The following DAPK2 variants were observed in gnomAD, a reference collection of about 807,000 sequenced individuals.
DAPK2 encodes the protein death associated protein kinase 2.
In DAPK2, 35 loss-of-function variants were observed where a neutral mutation model predicts 44.1. That is an observed-to-expected ratio of 0.79 (90% CI 0.61 to 1.05). The LOEUF (loss-of-function observed/expected upper bound fraction) is 1.05, where lower values mean the gene tolerates loss of function less well. Among genes scored for constraint, DAPK2 ranks in the 50% least tolerant of loss-of-function variants. The pLI is 0.00. For missense variants in DAPK2, 453 were observed against 483.2 expected, an observed-to-expected ratio of 0.94 and a Z score of 0.59; for synonymous variants, 174 against 182.6, an observed-to-expected ratio of 0.95 and a Z score of 0.38.
intron 3 of DAPK2, among the ~76,000 whole-genome samples, chr15:63,967,300 G>A: frequency 6.6e-6 from 1 of 152,146 alleles, no homozygotes; most frequent in East Asian, 1.9e-4. Flanking sequence ...GTTCAATTTG[G>A]TGTTCTTGCA....
intron 7 of DAPK2, 67 bp from the exon 9 acceptor site, chr15:63,924,928 C>T: frequency 6.4e-7 from 1 of 1,561,106 alleles, no homozygotes; most frequent in Non-Finnish European, 8.8e-7. Flanking sequence ...CATCTCCGTT[C>T]TCACTCTTTT....
At position 63,916,011 on chromosome 15, in the gene DAPK2, A is replaced by G. The variant is rs926659568; in HGVS notation, c.859-3814T>C. On this transcript the variant is annotated intron_variant, in intron 8 of 10. Coordinates refer to ENST00000261891, the Ensembl canonical transcript of DAPK2. This position sits in a 1 kb window ranked among gnomAD's most constrained non-coding sequence, Gnocchi z 4.7. ...TCCTGACCCGCCCCTCCCTGCAAAC[A>G]GAAAGTGCCCGCCTTCTGGCCTTGT... 7.9e-5 allele frequency: 12 copies of G among 151,690 alleles called. No homozygotes were observed. Among genetic ancestry groups the G allele is most frequent in the African/African-American group, 2.7e-4 (11 of 40,842 alleles). The allele number at this position is 151,690 out of a possible 1,614,324, so 9.4% of individuals were successfully genotyped here. A position where few individuals can be genotyped will look rare whatever the true frequency, so the allele number is the denominator to read the frequency against.
At chr15:64,019,849 C>T (rs574135586) in intron 1 of DAPK2, among the ~76,000 whole-genome samples, 3 of 152,342 alleles carry the variant, frequency 2.0e-5, no homozygotes, top group East Asian at 1.9e-4. Flanking sequence ...AGTGACACAC[C>T]TATGCGTTGT....
intron 3 of DAPK2, among the ~76,000 whole-genome samples, chr15:63,964,318 C>A (rs1274471764): frequency 6.6e-6 from 1 of 152,168 alleles, no homozygotes; most frequent in Non-Finnish European, 1.5e-5. Context: ...TGCTGCCAGA[C>A]ATATTGGAGT....
At chr15:63,925,853 C>G in intron 7 of DAPK2, 88 bp downstream of exon 8, 1 of 1,548,060 alleles carries the variant, frequency 6.5e-7, no homozygotes, top group Non-Finnish European at 8.9e-7. Context: ...ACAGCTATGT[C>G]AAAGTGGGGA....
chr15:64,014,914 C>A (rs1438401150), intron 1 of DAPK2, among the ~76,000 whole-genome samples: 3 of 133,006 alleles, frequency 2.3e-5, no homozygotes, highest in Admixed American at 7.9e-5. Context: ...GGTGAAAGAG[C>A]GAGACTCCAT....
chr15:64,038,770 T>C (rs766412811), intron 1 of DAPK2, among the ~76,000 whole-genome samples: 5 of 151,762 alleles, frequency 3.3e-5, no homozygotes, highest in Non-Finnish European at 5.9e-5. Context: ...TTGGATACAG[T>C]AGACACTTGT....
chr15:63,923,052 C>A lies in DAPK2; in HGVS notation c.858+1764G>T. 1 of 1,535,810 alleles carries A rather than the reference C, an allele frequency of 6.5e-7. No individual in the cohort carries two copies. Among genetic ancestry groups the A allele is most frequent in the South Asian group, 1.2e-5 (1 of 84,028 alleles). ...AACTCATACCTGAGCTGGGACAGGT[C>A]ATGCCGGGCGCTCTCATTCTCCTCT... On this transcript the variant is annotated intron_variant, in intron 8 of 10. Transcript: ENST00000261891. The surrounding 1 kb of genome is among the most constrained non-coding windows in gnomAD (Gnocchi z 4.2).
intron 1 of DAPK2, among the ~76,000 whole-genome samples, chr15:63,989,372 A>T (rs1403228329): frequency 6.6e-6 from 1 of 151,692 alleles, no homozygotes; most frequent in African/African-American, 2.4e-5. Context: ...CTCCGTCTCT[A>T]AAAAAAAGCC....
At chr15:63,984,333 C>G (rs533013125) in intron 1 of DAPK2, among the ~76,000 whole-genome samples, 1 of 152,224 alleles carries the variant, frequency 6.6e-6, no homozygotes, top group Non-Finnish European at 1.5e-5. Flanking sequence ...GATACCCAAC[C>G]GGCTGTCCAC....
chr15:64,039,202 C>A (rs2080291112), intron 1 of DAPK2, among the ~76,000 whole-genome samples: 1 of 152,222 alleles, frequency 6.6e-6, no homozygotes, highest in Non-Finnish European at 1.5e-5. Context: ...TTAACTAACA[C>A]CTGTCTCAGA....
At position 63,942,076 on chromosome 15, in the gene DAPK2, C is replaced by T. The variant is rs563735229; in HGVS notation, c.454-2715G>A. On this transcript the variant is annotated intron_variant, in intron 3 of 10. Transcript: ENST00000261891. ...GCTGAGAGCCCAGGACACCATCTCACACCACACGCTGAATGGGGGTGGGAG... is the reference window on the plus strand; with the variant it reads ...GCTGAGAGCCCAGGACACCATCTCATACCACACGCTGAATGGGGGTGGGAG... 44 of 332,264 alleles carry T rather than the reference C, an allele frequency of 1.3e-4. 1 individual carries two copies. The highest frequency in any genetic ancestry group is 9.4e-4 in the African/African-American group (42 of 44,860). The allele number at this position is 332,264 out of a possible 1,614,324, so 20.6% of individuals were successfully genotyped here.
intron 1 of DAPK2, chr15:63,991,237 G>A (rs1181443265): frequency 1.1e-5 from 5 of 456,226 alleles, no homozygotes; most frequent in Non-Finnish European, 2.2e-5. Context: ...CCAAAGCCAG[G>A]TGGGCAGTGC....
intron 1 of DAPK2, among the ~76,000 whole-genome samples, chr15:64,027,137 C>T (rs913734081): frequency 6.6e-6 from 1 of 152,116 alleles, no homozygotes; most frequent in South Asian, 2.1e-4. Context: ...AATCCCAGCA[C>T]TTTGGGAGGC....
At chr15:63,925,678 GCACACACACACACACACACACACA>G (rs3222873) in intron 7 of DAPK2, among the ~76,000 whole-genome samples, 2 of 138,446 alleles carry the variant, frequency 1.4e-5, no homozygotes, top group African/African-American at 2.8e-5. Flanking sequence ...GACTTGTAGC[GCACACACACACACACACACACACA>G]CACACACACA....
At chr15:64,017,397 G>A (rs1447925551) in intron 1 of DAPK2, among the ~76,000 whole-genome samples, 1 of 152,178 alleles carries the variant, frequency 6.6e-6, no homozygotes, top group Non-Finnish European at 1.5e-5. Context: ...AGCACCACAC[G>A]AAGCCCCACC....
intron 3 of DAPK2, among the ~76,000 whole-genome samples, chr15:63,945,669 C>T (rs2077430260): frequency 6.6e-6 from 1 of 152,166 alleles, no homozygotes; most frequent in Non-Finnish European, 1.5e-5. Context: ...GGTCCAGCTC[C>T]ACCACCCAAG....
intron 10 of DAPK2, chr15:63,911,662 G>A (rs1010272800): frequency 1.9e-6 from 1 of 536,066 alleles, no homozygotes; most frequent in Non-Finnish European, 3.3e-6. Flanking sequence ...AGGAAAGGAT[G>A]GGAGATCCTC....
At chr15:64,009,906 A>G (rs565827484) in intron 1 of DAPK2, among the ~76,000 whole-genome samples, 5 of 152,330 alleles carry the variant, frequency 3.3e-5, no homozygotes, top group Non-Finnish European at 7.3e-5. Context: ...AAACACAGTC[A>G]TGATGAGTAA....
Sources: allele counts gnomAD v4.1 joint callset (sites outside exome capture counted in the v4.1 genomes callset), GRCh38; gene constraint gnomAD v4.1.1; non-coding constraint Gnocchi (gnomAD v3.1); transcripts MANE v1.5; gene names NCBI Gene and HGNC (gene_info 2026-07-23, HGNC 2026-07-21).